The following TSPAN9 variants were observed in gnomAD, a reference collection of about 807,000 sequenced individuals.
TSPAN9 encodes the protein tetraspanin 9.
TSPAN9 carries 16 observed loss-of-function variants against 31.0 expected under a neutral mutation model. The observed-to-expected ratio is 0.52, with a 90% CI of 0.35 to 0.78. The LOEUF (loss-of-function observed/expected upper bound fraction) is 0.78. Ranked by LOEUF, TSPAN9 falls within the 30% of genes least tolerant of loss-of-function variation. The probability of loss-of-function intolerance (pLI) is 0.01; values close to 1 mark genes in which losing one functional copy is unlikely to be tolerated. For missense variants in TSPAN9, 272 were observed against 312.5 expected, an observed-to-expected ratio of 0.87 and a Z score of 0.98; for synonymous variants, 145 against 121.6, an observed-to-expected ratio of 1.19 and a Z score of -1.27.
intron 2 of TSPAN9, among the ~76,000 whole-genome samples, chr12:3,145,330 G>A (rs528165266): frequency 6.6e-6 from 1 of 152,288 alleles, no homozygotes; most frequent in African/African-American, 2.4e-5. Context: ...TTCTTCCTTG[G>A]CAGTGCTCTT....
At chr12:3,247,687 C>T (rs573569948) in intron 3 of TSPAN9, among the ~76,000 whole-genome samples, 2 of 152,284 alleles carry the variant, frequency 1.3e-5, no homozygotes, top group East Asian at 1.9e-4. Flanking sequence ...ATAGGCTGGG[C>T]GGTTCAAATC....
chr12:3,265,656 C>A (rs1862524540), intron 3 of TSPAN9, among the ~76,000 whole-genome samples: 1 of 152,198 alleles, frequency 6.6e-6, no homozygotes, highest in South Asian at 2.1e-4. Context: ...CCCTCCTTTC[C>A]CCACGCCACC....
At chr12:3,118,684 A>C (rs1591635910) in intron 2 of TSPAN9, among the ~76,000 whole-genome samples, 1 of 150,202 alleles carries the variant, frequency 6.7e-6, no homozygotes, top group Admixed American at 6.6e-5. Flanking sequence ...CCTCCTTGGC[A>C]CTCCCTCCCT....
intron 3 of TSPAN9, among the ~76,000 whole-genome samples, chr12:3,218,055 C>T (rs1305571802): frequency 6.6e-6 from 1 of 151,974 alleles, no homozygotes; most frequent in Non-Finnish European, 1.5e-5. Context: ...GATAATGATA[C>T]CCTCTGGGGT....
chr12:3,094,538 G>GTT (rs3062035), intron 2 of TSPAN9, among the ~76,000 whole-genome samples: 10 of 142,616 alleles, frequency 7.0e-5, no homozygotes, highest in South Asian at 2.2e-4. Context: ...TGTTGTTGTT[G>GTT]TTTTTTTTTT....
intron 3 of TSPAN9, among the ~76,000 whole-genome samples, chr12:3,213,190 G>A (rs1040356247): frequency 2.0e-5 from 3 of 152,322 alleles, no homozygotes; most frequent in Middle Eastern, 3.4e-3. Flanking sequence ...GAGGACATGG[G>A]ACTGTGGCTG....
At chr12:3,181,311 G>A (rs1371946373) in intron 2 of TSPAN9, among the ~76,000 whole-genome samples, 1 of 152,196 alleles carries the variant, frequency 6.6e-6, no homozygotes, top group African/African-American at 2.4e-5. Flanking sequence ...AACTGTGTGT[G>A]GTTGGACATT....
At chr12:3,207,024 A>G (rs1257558963) in intron 3 of TSPAN9, among the ~76,000 whole-genome samples, 1 of 152,110 alleles carries the variant, frequency 6.6e-6, no homozygotes, top group Non-Finnish European at 1.5e-5. Flanking sequence ...GGACACATGC[A>G]ATGGGCTGAA....
At chr12:3,229,676 T>C (rs948057401) in intron 3 of TSPAN9, among the ~76,000 whole-genome samples, 3 of 152,246 alleles carry the variant, frequency 2.0e-5, no homozygotes, top group Non-Finnish European at 2.9e-5. Context: ...GATAGGGCTG[T>C]GTGCCATCTT....
chr12:3,115,234 G>A (rs188516212), intron 2 of TSPAN9, among the ~76,000 whole-genome samples: 6 of 152,332 alleles, frequency 3.9e-5, no homozygotes, highest in Admixed American at 1.3e-4. Flanking sequence ...GGGTTCATCT[G>A]TGTTGTAGCA....
Position 3,286,026 on chromosome 12 carries a change from G to T in TSPAN9, c.*2910G>T, listed in dbSNP as rs1863008709. The T allele has an allele frequency of 6.6e-6, 1 of 152,558 alleles. No individual in the cohort carries two copies. Among genetic ancestry groups the T allele is most frequent in the African/African-American group, 2.4e-5 (1 of 41,430 alleles). The allele number at this position is 152,558 out of a possible 1,614,324, so 9.5% of individuals were successfully genotyped here. ...AGGTGGCCCTGCCCCGGACCCTCTT[G>T]CAGGTGTCCTGGTTTGACTTGGAAC... On this transcript the variant is annotated 3_prime_UTR_variant, in exon 9 of 9. Coordinates refer to ENST00000011898, the MANE Select transcript of TSPAN9 (RefSeq NM_006675.5). This position sits in a 1 kb window ranked among gnomAD's most constrained non-coding sequence, Gnocchi z 4.1.
At chr12:3,222,977 TG>T in intron 3 of TSPAN9, among the ~76,000 whole-genome samples, 1 of 137,268 alleles carries the variant, frequency 7.3e-6, no homozygotes, top group Middle Eastern at 3.6e-3. Context: ...GGCAGAGGGG[TG>T]GGGTGTGGGC....
At chr12:3,101,288 G>A (rs1429951165) in intron 2 of TSPAN9, among the ~76,000 whole-genome samples, 1 of 152,136 alleles carries the variant, frequency 6.6e-6, no homozygotes, top group African/African-American at 2.4e-5. Context: ...GGTCCAGGAA[G>A]AACTTTCTGA....
intron 2 of TSPAN9, among the ~76,000 whole-genome samples, chr12:3,174,799 G>T (rs28522275): frequency 0.043 from 6,364 of 149,542 alleles, 168 homozygotes; most frequent in Middle Eastern, 0.069. Flanking sequence ...AGCCAGGATG[G>T]TCTCGATCTC....
chr12:3,184,038 G>T (rs1465409985), intron 2 of TSPAN9, among the ~76,000 whole-genome samples: 1 of 152,148 alleles, frequency 6.6e-6, no homozygotes, highest in Admixed American at 6.5e-5. Context: ...GGGAAGGGAG[G>T]GGGAGGGAGA....
intron 2 of TSPAN9, among the ~76,000 whole-genome samples, chr12:3,153,013 G>C (rs1391237196): frequency 2.0e-5 from 3 of 152,244 alleles, no homozygotes; most frequent in Admixed American, 2.0e-4. Context: ...TCTGTGCTCA[G>C]TGCGAACGCT....
chr12:3,152,412 G>C (rs913155948), intron 2 of TSPAN9, among the ~76,000 whole-genome samples: 3 of 152,170 alleles, frequency 2.0e-5, no homozygotes, highest in African/African-American at 4.8e-5. Context: ...CTGTCCTTCT[G>C]ACACACCTGC....
chr12:3,197,260 A>G (rs558470372), intron 2 of TSPAN9, among the ~76,000 whole-genome samples: 48 of 152,212 alleles, frequency 3.2e-4, no homozygotes, highest in Admixed American at 6.5e-4. Flanking sequence ...TGCATCAAAG[A>G]AGTAATGTTG....
chr12:3,136,471 G>C (rs1352304425), intron 2 of TSPAN9, among the ~76,000 whole-genome samples: 2 of 152,064 alleles, frequency 1.3e-5, no homozygotes, highest in Non-Finnish European at 2.9e-5. Flanking sequence ...CCTCTTTTTT[G>C]CAGATGAGGA....
Sources: gnomAD v4.1 joint callset for allele counts (sites outside exome capture counted in the v4.1 genomes callset) on GRCh38, gnomAD v4.1.1 for gene constraint, Gnocchi (gnomAD v3.1) non-coding constraint, MANE v1.5 for transcripts, NCBI Gene and HGNC (gene_info 2026-07-23, HGNC 2026-07-21) for gene names.